Variants in TMEFF1 observed in about 807,000 individuals in gnomAD.
The protein encoded by TMEFF1 is transmembrane protein with EGF like and two follistatin like domains 1.
TMEFF1 carries 20 observed loss-of-function variants against 47.5 expected under a neutral mutation model. The observed-to-expected ratio is 0.42, with a 90% CI of 0.30 to 0.61. The LOEUF is 0.61. TMEFF1 is among the 20% of genes least tolerant of loss of function. The pLI is 0.19. For synonymous variants in TMEFF1, 162 were observed against 166.3 expected, an observed-to-expected ratio of 0.97 and a Z score of 0.20; for missense variants, 411 against 471.1, an observed-to-expected ratio of 0.87 and a Z score of 1.18.
At chr9:100,564,946 A>T (rs1427237264) in intron 8 of TMEFF1, among the ~76,000 whole-genome samples, 1 of 152,072 alleles carries the variant, frequency 6.6e-6, no homozygotes, top group Non-Finnish European at 1.5e-5. Context: ...GGATTGGTGG[A>T]GGTTAGTGGG....
At chr9:100,525,071 T>C (rs1449628805) in intron 5 of TMEFF1, among the ~76,000 whole-genome samples, 1 of 152,298 alleles carries the variant, frequency 6.6e-6, no homozygotes, top group South Asian at 2.1e-4. Context: ...CACAGCTGTC[T>C]ATAGAGTTAA....
intron 1 of TMEFF1, among the ~76,000 whole-genome samples, chr9:100,486,038 T>TG (rs1837441423): frequency 6.7e-6 from 1 of 148,450 alleles, no homozygotes; most frequent in African/African-American, 2.5e-5. Context: ...TTTCTCTCTC[T>TG]CTTTTTTTTT....
intron 7 of TMEFF1, among the ~76,000 whole-genome samples, chr9:100,553,291 T>C (rs1838859203): frequency 6.6e-6 from 1 of 152,238 alleles, no homozygotes; most frequent in Non-Finnish European, 1.5e-5. Context: ...TGTTTATTTT[T>C]ACCTCATTTA....
At chr9:100,559,400 A>G (rs1401219884) in intron 7 of TMEFF1, among the ~76,000 whole-genome samples, 2 of 152,150 alleles carry the variant, frequency 1.3e-5, no homozygotes, top group African/African-American at 4.8e-5. Context: ...TAAATTAGTG[A>G]TCTGTTTTGC....
At chr9:100,486,106 A>G (rs1837443790) in intron 1 of TMEFF1, among the ~76,000 whole-genome samples, 2 of 151,368 alleles carry the variant, frequency 1.3e-5, no homozygotes, top group South Asian at 4.2e-4. Context: ...AAAAACCCAC[A>G]CCTTTTTTCT....
At chr9:100,570,383 T>C (rs986611093) in intron 8 of TMEFF1, among the ~76,000 whole-genome samples, 3 of 152,216 alleles carry the variant, frequency 2.0e-5, no homozygotes, top group Non-Finnish European at 2.9e-5. Flanking sequence ...CTGTATCTTA[T>C]GTTTTTTTTC....
chr9:100,549,036 C>T (rs1260056947), intron 6 of TMEFF1, among the ~76,000 whole-genome samples: 1 of 152,174 alleles, frequency 6.6e-6, no homozygotes, highest in Non-Finnish European at 1.5e-5. Context: ...ATACTCTACT[C>T]TTTGGAATTT....
At chr9:100,511,622 T>C (rs1837968552) in intron 3 of TMEFF1, among the ~76,000 whole-genome samples, 1 of 152,264 alleles carries the variant, frequency 6.6e-6, no homozygotes, top group South Asian at 2.1e-4. Context: ...TTTCTTATGC[T>C]TAAGGTTGGT....
intron 2 of TMEFF1, among the ~76,000 whole-genome samples, chr9:100,504,876 T>C (rs1011574894): frequency 2.6e-5 from 4 of 152,230 alleles, no homozygotes; most frequent in African/African-American, 9.7e-5. Context: ...CTATCAGAAT[T>C]AATGCTTCAT....
chr9:100,544,938 C>T (rs1041489341), intron 5 of TMEFF1, among the ~76,000 whole-genome samples: 93 of 152,290 alleles, frequency 6.1e-4, no homozygotes, highest in African/African-American at 2.0e-3. Flanking sequence ...TGGGTCATGC[C>T]GATGCAAAAG....
chr9:100,489,453 A>G (rs999355263), intron 1 of TMEFF1, among the ~76,000 whole-genome samples: 3 of 152,188 alleles, frequency 2.0e-5, no homozygotes, highest in African/African-American at 4.8e-5. Context: ...GGCCTCCCAA[A>G]GTGTTGGGAT....
chr9:100,529,899 G>A (rs560593546), intron 5 of TMEFF1, among the ~76,000 whole-genome samples: 1 of 152,280 alleles, frequency 6.6e-6, no homozygotes, highest in African/African-American at 2.4e-5. Flanking sequence ...TTATCTCTCA[G>A]ACCGCAGTGC....
intron 1 of TMEFF1, among the ~76,000 whole-genome samples, chr9:100,475,640 C>A (rs1240307087): frequency 6.6e-6 from 1 of 151,326 alleles, no homozygotes; most frequent in Non-Finnish European, 1.5e-5. Flanking sequence ...TTGCATAGTT[C>A]AAGTTTTAAG....
intron 2 of TMEFF1, among the ~76,000 whole-genome samples, chr9:100,501,836 G>A (rs1837767926): frequency 1.3e-5 from 2 of 152,080 alleles, no homozygotes. Flanking sequence ...GTAGAGACGG[G>A]ATTTCACCAT....
At chr9:100,477,500 A>G (rs1345507326) in intron 1 of TMEFF1, among the ~76,000 whole-genome samples, 1 of 152,174 alleles carries the variant, frequency 6.6e-6, no homozygotes, top group Non-Finnish European at 1.5e-5. Flanking sequence ...TGCCTTAATA[A>G]AGAGCTGATG....
chr9:100,521,650 A>G (rs1200882670), intron 5 of TMEFF1, among the ~76,000 whole-genome samples: 2 of 152,232 alleles, frequency 1.3e-5, no homozygotes, highest in Non-Finnish European at 2.9e-5. Flanking sequence ...ACACATAATC[A>G]TAGGACTCCT....
chr9:100,570,076 T>A (rs968078101), intron 8 of TMEFF1, among the ~76,000 whole-genome samples: 2 of 152,210 alleles, frequency 1.3e-5, no homozygotes, highest in East Asian at 1.9e-4. Context: ...CTTAATATAA[T>A]GTTCTGGAGG....
At chr9:100,525,071 T>G (rs1449628805) in intron 5 of TMEFF1, among the ~76,000 whole-genome samples, 1 of 152,180 alleles carries the variant, frequency 6.6e-6, no homozygotes, top group Non-Finnish European at 1.5e-5. Flanking sequence ...CACAGCTGTC[T>G]ATAGAGTTAA....
intron 2 of TMEFF1, among the ~76,000 whole-genome samples, chr9:100,502,397 T>C (rs567071055): frequency 6.6e-6 from 1 of 152,312 alleles, no homozygotes; most frequent in South Asian, 2.1e-4. Context: ...TCTCACTCTG[T>C]TGCCTAGGCG....
Sources: gnomAD v4.1 joint callset for allele counts (sites outside exome capture counted in the v4.1 genomes callset) on GRCh38, gnomAD v4.1.1 for gene constraint, MANE v1.5 for transcripts, NCBI Gene and HGNC (gene_info 2026-07-23, HGNC 2026-07-21) for gene names.